Variants in ALK observed in about 807,000 individuals in gnomAD.
The protein encoded by ALK is ALK receptor tyrosine kinase.
In ALK, 74 loss-of-function variants were observed where a neutral mutation model predicts 163.1. That is an observed-to-expected ratio of 0.45 (90% confidence interval 0.38 to 0.55). The LOEUF (loss-of-function observed/expected upper bound fraction) is 0.55. ALK is among the 20% of genes least tolerant of loss of function. ALK has a pLI of 0.00. For missense variants in ALK, 2,063 were observed against 2,105.3 expected, an observed-to-expected ratio of 0.98 and a Z score of 0.39; for synonymous variants, 960 against 843.2, an observed-to-expected ratio of 1.14 and a Z score of -2.40.
At position 29,289,278 on chromosome 2, in the gene ALK, C is replaced by A. The variant is rs1208309712; in HGVS notation, c.1817+7610G>T. On this transcript the variant is annotated intron_variant, in intron 9 of 28. Transcript: ENST00000389048. Reference sequence around the variant, plus strand: ...AAAGTCCCCTCAGCCTTGCAGGCTGCTGATGAAGCCAGGGACTCTGCTCCC... The same window carrying A: ...AAAGTCCCCTCAGCCTTGCAGGCTGATGATGAAGCCAGGGACTCTGCTCCC... Among the ~76,000 whole-genome samples the A allele has an allele frequency of 3.9e-5, 6 of 152,210 alleles. No individual in the cohort carries two copies. In the East Asian group the frequency reaches 9.6e-4, roughly 24 times the overall value.
At position 29,695,020 on chromosome 2, in the gene ALK, A is replaced by G. The variant is rs1307802475; in HGVS notation, c.788-6T>C. The stretch of plus-strand genomic sequence containing the variant: ...GTCAAAGCTGCACTCCAGACCTGCA[A>G]TAATAGCCAAGGGTCAATGGAAAAA... On this transcript the variant is annotated splice_region_variant and splice_polypyrimidine_tract_variant and intron_variant, in intron 2 of 28. Coordinates refer to ENST00000389048, the MANE Select transcript of ALK (RefSeq NM_004304.5). 6.2e-7 allele frequency: 1 copy of G among 1,614,056 alleles called. No homozygotes were observed. The highest frequency in any genetic ancestry group is 8.5e-7 in the Non-Finnish European group (1 of 1,179,970).
At chr2:29,328,211 G>A in intron 6 of ALK, 139 bp downstream of exon 6, 2 of 1,217,018 alleles carry the variant, frequency 1.6e-6, no homozygotes, top group South Asian at 2.6e-5. Flanking sequence ...AAGACTGTGT[G>A]GCTTTGCCAT....
At chr2:29,755,245 G>C (rs1023726405) in intron 1 of ALK, among the ~76,000 whole-genome samples, 2 of 152,208 alleles carry the variant, frequency 1.3e-5, no homozygotes, top group Admixed American at 6.5e-5. Context: ...TGCACTCAAA[G>C]GGACTCATGG....
intron 3 of ALK, among the ~76,000 whole-genome samples, chr2:29,646,509 G>A (rs761382814): frequency 6.6e-6 from 1 of 152,100 alleles, no homozygotes; most frequent in Admixed American, 6.6e-5. Flanking sequence ...TTCTCTAAGA[G>A]TATAAGCCAA....
chr2:29,318,961 C>G (rs942587343), intron 7 of ALK: 4 of 164,564 alleles, frequency 2.4e-5, no homozygotes, highest in African/African-American at 9.6e-5. Flanking sequence ...AGCCCATGGC[C>G]CAGGACTAGC....
chr2:29,297,386 G>A (rs550153144), intron 8 of ALK, among the ~76,000 whole-genome samples: 2 of 152,344 alleles, frequency 1.3e-5, no homozygotes, highest in South Asian at 4.1e-4. Context: ...CAATGGGGTA[G>A]TAAATGAACT....
chr2:29,619,925 G>A (rs1403843388), intron 3 of ALK, among the ~76,000 whole-genome samples: 1 of 152,140 alleles, frequency 6.6e-6, no homozygotes, highest in Non-Finnish European at 1.5e-5. Flanking sequence ...CCACAGTGAG[G>A]GGCATCGAGC....
At chr2:29,704,959 T>C (rs1200638720) in intron 2 of ALK, among the ~76,000 whole-genome samples, 1 of 151,962 alleles carries the variant, frequency 6.6e-6, no homozygotes, top group Non-Finnish European at 1.5e-5. Flanking sequence ...TATAAATACC[T>C]GTAATCCCAG....
chr2:29,909,491 A>AGAGATT (rs1280754971), intron 1 of ALK, among the ~76,000 whole-genome samples: 1 of 148,884 alleles, frequency 6.7e-6, no homozygotes, highest in Non-Finnish European at 1.5e-5. Flanking sequence ...AGAGAGAGAG[A>AGAGATT]GAGAGAGAGA....
intron 3 of ALK, among the ~76,000 whole-genome samples, chr2:29,542,995 T>C (rs1673452821): frequency 1.3e-5 from 2 of 152,192 alleles, no homozygotes; most frequent in Non-Finnish European, 2.9e-5. Context: ...TTGTTTTCTC[T>C]GGGGTCAGCT....
At chr2:29,647,299 A>G (rs1676905871) in intron 3 of ALK, among the ~76,000 whole-genome samples, 1 of 152,150 alleles carries the variant, frequency 6.6e-6, no homozygotes, top group Non-Finnish European at 1.5e-5. Flanking sequence ...GCCACTAGGT[A>G]GAACTCTGGG....
At chr2:29,839,059 C>T (rs965352776) in intron 1 of ALK, among the ~76,000 whole-genome samples, 13 of 152,064 alleles carry the variant, frequency 8.5e-5, no homozygotes, top group African/African-American at 2.7e-4. Context: ...CTTTCTGATG[C>T]CTAAAGTTAC....
chr2:29,405,137 C>T (rs1262967708), intron 4 of ALK, among the ~76,000 whole-genome samples: 4 of 152,216 alleles, frequency 2.6e-5, no homozygotes, highest in Non-Finnish European at 4.4e-5. Flanking sequence ...GACTTTTCCT[C>T]GCTAAGCATC....
intron 4 of ALK, among the ~76,000 whole-genome samples, chr2:29,394,929 C>A (rs893048446): frequency 6.6e-6 from 1 of 151,292 alleles, no homozygotes; most frequent in Admixed American, 6.6e-5. Flanking sequence ...AACATTGAAA[C>A]TGAAATGTGG....
chr2:29,417,766 C>T (rs1202676377), intron 4 of ALK, among the ~76,000 whole-genome samples: 1 of 152,202 alleles, frequency 6.6e-6, no homozygotes, highest in Non-Finnish European at 1.5e-5. Context: ...ATCCTTTGTA[C>T]CTTACGTACA....
intron 5 of ALK, among the ~76,000 whole-genome samples, chr2:29,335,577 G>T (rs1667586545): frequency 6.6e-6 from 1 of 152,166 alleles, no homozygotes; most frequent in Non-Finnish European, 1.5e-5. Flanking sequence ...AGGGGCCCAA[G>T]ACCTGGTGAG....
intron 1 of ALK, among the ~76,000 whole-genome samples, chr2:29,781,901 G>A (rs930200860): frequency 1.3e-5 from 2 of 152,160 alleles, no homozygotes; most frequent in African/African-American, 2.4e-5. Flanking sequence ...TAGACAGAAA[G>A]AACTGGGCCC....
chr2:29,714,479 A>T (rs553977372), intron 2 of ALK, among the ~76,000 whole-genome samples: 9 of 152,266 alleles, frequency 5.9e-5, no homozygotes, highest in African/African-American at 2.2e-4. Context: ...CTCATAAAAC[A>T]CTGGAAAAAA....
intron 1 of ALK, among the ~76,000 whole-genome samples, chr2:29,866,051 A>G (rs978647675): frequency 1.3e-5 from 2 of 152,090 alleles, no homozygotes; most frequent in Non-Finnish European, 2.9e-5. Flanking sequence ...AACTAACCTA[A>G]CAGTTGTCCC....
Sources: gnomAD v4.1 joint callset for allele counts (sites outside exome capture counted in the v4.1 genomes callset) on GRCh38, gnomAD v4.1.1 for gene constraint, MANE v1.5 for transcripts, NCBI Gene and HGNC (gene_info 2026-07-23, HGNC 2026-07-21) for gene names.